Variants in NAP1L4 observed in about 807,000 individuals in gnomAD.
The protein encoded by NAP1L4 is nucleosome assembly protein 1-like 4.
A neutral mutation model predicts 58.2 loss-of-function variants in NAP1L4; 15 were observed. The observed-to-expected ratio is 0.26, with a 90% CI of 0.17 to 0.40. The LOEUF (loss-of-function observed/expected upper bound fraction) is 0.40, where lower values mean the gene tolerates loss of function less well. Among genes scored for constraint, NAP1L4 ranks in the 10% least tolerant of loss-of-function variants. NAP1L4 has a pLI of 1.00. For missense variants in NAP1L4, 384 were observed against 451.1 expected, an observed-to-expected ratio of 0.85 and a Z score of 1.35; for synonymous variants, 171 against 155.6, an observed-to-expected ratio of 1.10 and a Z score of -0.74.
chr11:2,986,191 T>C (rs1420314124), intron 1 of NAP1L4, among the ~76,000 whole-genome samples: 2 of 151,952 alleles, frequency 1.3e-5, no homozygotes, highest in Admixed American at 1.3e-4. Context: ...CTGGCCAACG[T>C]GGTGAAATTC....
intron 1 of NAP1L4, among the ~76,000 whole-genome samples, chr11:2,980,418 T>G (rs1403304352): frequency 1.3e-5 from 2 of 152,138 alleles, no homozygotes; most frequent in South Asian, 4.1e-4. Context: ...ACTCCTGGCC[T>G]CAAGAGATCC....
chr11:2,958,554 C>G lies in NAP1L4; in HGVS notation c.747-10G>C. ...CCAGTCAATAGTACACCTACCAGGA[C>G]AAGACAGCTGTCAGGAACACACAAT... On this transcript the variant is annotated splice_polypyrimidine_tract_variant and intron_variant, in intron 9 of 15. Coordinates refer to ENST00000380542, the MANE Select transcript of NAP1L4 (RefSeq NM_005969.4). 6.2e-7 allele frequency: 1 copy of G among 1,611,624 alleles called. No individual in the cohort carries two copies. The highest frequency in any genetic ancestry group is 8.5e-7 in the Non-Finnish European group (1 of 1,179,180).
At chr11:2,979,272 A>G (rs762664284) in intron 1 of NAP1L4, 35 bp from the exon 2 acceptor site, 1 of 1,542,572 alleles carries the variant, frequency 6.5e-7, no homozygotes. Flanking sequence ...AATTATATTC[A>G]TAAGCAAAAA....
chr11:2,989,780 T>A (rs1326158068), intron 1 of NAP1L4: 1 of 152,204 alleles, frequency 6.6e-6, no homozygotes, highest in African/African-American at 2.4e-5. Context: ...AGTTTCAAAT[T>A]CAAATTCATA....
rs1398309559 is a variant in NAP1L4 at position 2,951,390 on chromosome 11, A to C, written c.1066-75T>G. 3 of 1,319,560 alleles carry C rather than the reference A, an allele frequency of 2.3e-6. No individual in the cohort carries two copies. In the African/African-American group the frequency reaches 4.3e-5, roughly 19 times the overall value. The allele number at this position is 1,319,560 out of a possible 1,614,324, so 81.7% of individuals were successfully genotyped here. On this transcript the variant is annotated intron_variant, in intron 13 of 15. Transcript: ENST00000380542. This position sits in a 1 kb window ranked among gnomAD's most constrained non-coding sequence, Gnocchi z 4.0. Reference sequence around the variant, plus strand: ...GTGGCATTCACAATCCACAAACACAAGGAGCAAAACACTGCCTTAGATGGA... The same window carrying C: ...GTGGCATTCACAATCCACAAACACACGGAGCAAAACACTGCCTTAGATGGA...
At chr11:2,978,140 G>T in intron 3 of NAP1L4, 144 bp downstream of exon 3, 2 of 691,402 alleles carry the variant, frequency 2.9e-6, no homozygotes, top group Non-Finnish European at 4.8e-6. Context: ...TTTTGTTAAT[G>T]AGATACTGAT....
At chr11:2,957,324 T>C in intron 10 of NAP1L4, among the ~76,000 whole-genome samples, 1 of 152,192 alleles carries the variant, frequency 6.6e-6, no homozygotes, top group Non-Finnish European at 1.5e-5. Flanking sequence ...CCAAACCGTA[T>C]GTATTTGCAT....
At chr11:2,978,743 G>C (rs935305296) in intron 2 of NAP1L4, among the ~76,000 whole-genome samples, 3 of 152,248 alleles carry the variant, frequency 2.0e-5, no homozygotes, top group Non-Finnish European at 4.4e-5. Context: ...AGTTAAGACA[G>C]TGCCCAAAGT....
Position 2,971,588 on chromosome 11 carries a change from CAA to C in NAP1L4, c.316-56_316-55del, listed in dbSNP as rs1847639662. On this transcript the variant is annotated intron_variant, in intron 5 of 15. Coordinates refer to ENST00000380542, the MANE Select transcript of NAP1L4 (RefSeq NM_005969.4). This position sits in a 1 kb window ranked among gnomAD's most constrained non-coding sequence, Gnocchi z 4.2. ...TATGTTATTAGCTTACTTAGGAACT[CAA>C]GAGTTAAATTTATAAATAATGTCTA... 4 of 1,416,682 alleles carry C rather than the reference CAA, an allele frequency of 2.8e-6. No homozygotes were observed. Among genetic ancestry groups the C allele is most frequent in the Admixed American group, 1.8e-5 (1 of 55,052 alleles). 87.8% of individuals were successfully genotyped at this position (1,416,682 alleles called of 1,614,324 possible).
At chr11:2,986,208 C>T (rs1041587417) in intron 1 of NAP1L4, among the ~76,000 whole-genome samples, 11 of 151,860 alleles carry the variant, frequency 7.2e-5, no homozygotes, top group Non-Finnish European at 1.6e-4. Flanking sequence ...ATTCCATCTC[C>T]ATTAAAAATA....
intron 6 of NAP1L4, among the ~76,000 whole-genome samples, chr11:2,970,626 A>G (rs1033267403): frequency 6.6e-6 from 1 of 152,132 alleles, no homozygotes; most frequent in African/African-American, 2.4e-5. Flanking sequence ...GCAACACCAG[A>G]TGCAACTATG....
In NAP1L4 at chr11:2,975,997, A is replaced by C. The variant is rs1437791413; in HGVS notation, c.173+27T>G. ...TTTTCCTTTTGTTTCTCCAAATTGCATGAGACCCTATTCACAGCACACTTA... is the reference window on the plus strand; with the variant it reads ...TTTTCCTTTTGTTTCTCCAAATTGCCTGAGACCCTATTCACAGCACACTTA... On this transcript the variant is annotated intron_variant, in intron 4 of 15. Coordinates refer to ENST00000380542, the MANE Select transcript of NAP1L4 (RefSeq NM_005969.4). 5 of 1,568,942 alleles carry C rather than the reference A, an allele frequency of 3.2e-6. No individual in the cohort carries two copies. The Admixed American group carries it at 5.6e-5, about 18-fold the overall frequency.
chr11:2,990,974 C>A, intron 1 of NAP1L4: 1 of 376,808 alleles, frequency 2.7e-6, no homozygotes, highest in South Asian at 1.8e-5. Context: ...TTTTAAAAGT[C>A]TATTTTCACC....
chr11:2,973,760 C>T (rs1227688684), intron 4 of NAP1L4, among the ~76,000 whole-genome samples: 1 of 152,162 alleles, frequency 6.6e-6, no homozygotes, highest in African/African-American at 2.4e-5. Flanking sequence ...CCCTTTTCTG[C>T]ACTGGTCATT....
At chr11:2,984,166 CAAA>C (rs35188952) in intron 1 of NAP1L4, among the ~76,000 whole-genome samples, 35,115 of 79,576 alleles carry the variant, frequency 0.44, 5,960 homozygotes, top group East Asian at 0.65. Flanking sequence ...GACCCTGCCT[CAAA>C]AAAAAAAAAA....
intron 1 of NAP1L4, among the ~76,000 whole-genome samples, chr11:2,985,281 G>A (rs1314540760): frequency 6.6e-6 from 1 of 152,172 alleles, no homozygotes; most frequent in Non-Finnish European, 1.5e-5. Context: ...TTATAAACAA[G>A]CTAGAGTTCA....
At chr11:2,986,623 T>TC (rs1463172376) in intron 1 of NAP1L4, among the ~76,000 whole-genome samples, 1 of 100,554 alleles carries the variant, frequency 9.9e-6, no homozygotes, top group South Asian at 4.0e-4. Context: ...GGGATGGTAG[T>TC]AAATTTTTTT....
intron 1 of NAP1L4, among the ~76,000 whole-genome samples, chr11:2,984,360 G>A (rs879753304): frequency 5.9e-5 from 9 of 151,942 alleles, no homozygotes; most frequent in Non-Finnish European, 1.0e-4. Flanking sequence ...ATCATCTGAG[G>A]TCAGGAGTTC....
intron 1 of NAP1L4, among the ~76,000 whole-genome samples, chr11:2,983,516 C>A (rs1848448526): frequency 6.6e-6 from 1 of 151,768 alleles, no homozygotes; most frequent in Non-Finnish European, 1.5e-5. Flanking sequence ...CATGCCCAGC[C>A]CGGCATGTGC....
Sources: allele counts gnomAD v4.1 joint callset (sites outside exome capture counted in the v4.1 genomes callset), GRCh38; gene constraint gnomAD v4.1.1; non-coding constraint Gnocchi (gnomAD v3.1); transcripts MANE v1.5; gene names NCBI Gene and HGNC (gene_info 2026-07-23, HGNC 2026-07-21).